The following CARD14 variants were observed in gnomAD, a reference collection of about 807,000 sequenced individuals.
The protein encoded by CARD14 is caspase recruitment domain-containing protein 14.
CARD14 carries 107 observed loss-of-function variants against 111.5 expected under a neutral mutation model. The observed-to-expected ratio is 0.96, with a 90% CI of 0.82 to 1.13. The LOEUF (loss-of-function observed/expected upper bound fraction) is 1.13. Ranked by LOEUF, CARD14 falls within the 50% of genes most tolerant of loss-of-function variation. The pLI is 0.00. For missense variants in CARD14, 1,322 were observed against 1,362.3 expected (o/e 0.97, Z 0.47); for synonymous variants, 617 against 579.6 (o/e 1.06, Z -0.93).
chr17:80,198,123 T>A lies in CARD14; in HGVS notation c.1619T>A (p.Leu540Gln). 1 of 1,613,650 alleles carries A rather than the reference T, an allele frequency of 6.2e-7. No homozygotes were observed. Among genetic ancestry groups the A allele is most frequent in the Non-Finnish European group, 8.5e-7 (1 of 1,179,996 alleles). Residue 540 changes from leucine to glutamine, a missense_variant, in exon 15 of 24, where the codon CTG (leucine) becomes CAG (glutamine). Coordinates refer to ENST00000648509, the MANE Select transcript of CARD14 (RefSeq NM_001366385.1). The surrounding 1 kb of genome is among the most constrained non-coding windows in gnomAD (Gnocchi z 7.5). ...TADLPQLESS[L>Q]QPVSPGRLDV... ...GACCTTCCGCAGCTGGAAAGCAGCC[T>A]GCAGCCAGTCTCCCCTGGAAGGCTT... is the stretch of plus-strand genomic sequence containing the variant.
rs2041481898 is a variant in CARD14, at chr17:80,208,537, C to T, written c.*192C>T. On this transcript the variant is annotated 3_prime_UTR_variant, in exon 24 of 24. Coordinates refer to ENST00000648509, the MANE Select transcript of CARD14 (RefSeq NM_001366385.1). The stretch of plus-strand genomic sequence containing the variant: ...CACACAGTGAAGCCACTTGTAACTG[C>T]ACACTTTTCTGTGGAAACATCTTCA... 1.9e-6 allele frequency: 1 copy of T among 521,938 alleles called. No homozygotes were observed. Among genetic ancestry groups the T allele is most frequent in the Non-Finnish European group, 3.4e-6 (1 of 297,722 alleles). 32.3% of individuals were successfully genotyped at this position (521,938 alleles called of 1,614,324 possible).
intron 2 of CARD14, among the ~76,000 whole-genome samples, chr17:80,175,045 A>G (rs909898424): frequency 4.6e-5 from 7 of 150,822 alleles, no homozygotes; most frequent in Non-Finnish European, 7.4e-5. Flanking sequence ...ATGCAATCTC[A>G]TTTCACTGCA....
Position 80,198,415 on chromosome 17 carries a change from C to T in CARD14, c.1675C>T (p.Arg559Trp), listed in dbSNP as rs771451722. The T allele has an allele frequency of 1.2e-5, 19 of 1,604,128 alleles. No individual in the cohort carries two copies. Among genetic ancestry groups the T allele is most frequent in the African/African-American group, 4.0e-5 (3 of 74,842 alleles). Residue 559 changes from arginine to tryptophan, a missense_variant, in exon 16 of 24, where the codon CGG becomes TGG. By Grantham distance (101) the Arg-to-Trp change is moderately radical. Coordinates refer to ENST00000648509, the MANE Select transcript of CARD14 (RefSeq NM_001366385.1). This position sits in a 1 kb window ranked among gnomAD's most constrained non-coding sequence, Gnocchi z 7.5. ...DVSESGVLMR[R>W]RPARRILSQV... The stretch of plus-strand genomic sequence containing the variant: ...GGCCTGCAGCGGCGTCCTCATGCGG[C>T]GGAGGCCAGCCCGCAGGATCCTGAG...
Position 80,203,859 on chromosome 17 carries a change from A to T in CARD14, c.2257A>T (p.Thr753Ser). The change falls in exon 19 of 24, where the codon ACT becomes TCT. Residue 753 changes from threonine to serine, a missense_variant. By Grantham distance (58) the Thr-to-Ser change is moderately conservative (BLOSUM62 1). Transcript: ENST00000648509. The surrounding 1 kb of genome is among the most constrained non-coding windows in gnomAD (Gnocchi z 4.6). ...GCTCATAGCCCTCATCCAGGACATG[A>T]CTCAGCAGTGCACCGTGACCCGCAA... ...QQLIALIQDM[T>S]QQCTVTRKPS... 6.3e-7 allele frequency: 1 copy of T among 1,595,698 alleles called. No homozygotes were observed. Among genetic ancestry groups the T allele is most frequent in the Non-Finnish European group, 8.5e-7 (1 of 1,172,198 alleles).
In CARD14 at chr17:80,201,870, G is replaced by A. The variant is rs773391357; in HGVS notation, c.1978G>A (p.Gly660Ser). Reference protein sequence around the residue: ...CCLSVKVNTDGYKRLLQDLEA... With the variant: ...CCLSVKVNTDSYKRLLQDLEA... ...CCTGTCTGTGAAGGTCAACACGGAC[G>A]GTACACATACCACTCCTCTCGTGTG... The change falls in exon 17 of 24, where the codon GGT becomes AGT. Residue 660 changes from glycine (G) to serine (S), a missense_variant and splice_region_variant. Transcript: ENST00000648509. The surrounding 1 kb of genome is among the most constrained non-coding windows in gnomAD (Gnocchi z 5.0). 5.0e-6 allele frequency: 8 copies of A among 1,611,704 alleles called. No homozygotes were observed. Among genetic ancestry groups the A allele is most frequent in the South Asian group, 2.2e-5 (2 of 90,730 alleles).
At chr17:80,181,758 A>C in intron 5 of CARD14, 109 bp downstream of exon 5, 3 of 1,030,510 alleles carry the variant, frequency 2.9e-6, no homozygotes, top group Non-Finnish European at 4.1e-6. Context: ...CTCTTATAAA[A>C]ACACTTGCTG....
chr17:80,184,254 G>T lies in CARD14; in HGVS notation c.675+16G>T. On this transcript the variant is annotated intron_variant, in intron 7 of 23. Transcript: ENST00000648509. ...GCAGGAGGAGGTAGGGGGACACCCT[G>T]CACCCCGGCGCGACCCTGCTGTCGT... 1 of 1,494,212 alleles carries T rather than the reference G, an allele frequency of 6.7e-7. No homozygotes were observed. 92.6% of individuals were successfully genotyped at this position (1,494,212 alleles called of 1,614,324 possible). A position where few individuals can be genotyped will look rare whatever the true frequency, so the allele number is the denominator to read the frequency against.
chr17:80,205,277 T>TCTTCCCCTTCCTCCCTCCTC, intron 21 of CARD14, 72 bp downstream of exon 21: 1 of 1,254,480 alleles, frequency 8.0e-7, no homozygotes, highest in Non-Finnish European at 1.1e-6. Context: ...CCTCCCTCCT[T>TCTTCCCCTTCCTCCCTCCTC]CCTCCCCTTC....
Position 80,208,125 on chromosome 17 carries a change from C to T in CARD14, c.2808-13C>T. 6.0e-6 allele frequency: 9 copies of T among 1,512,210 alleles called. No homozygotes were observed. Among genetic ancestry groups the T allele is most frequent in the Non-Finnish European group, 8.0e-6 (9 of 1,120,476 alleles). The allele number at this position is 1,512,210 out of a possible 1,614,324, so 93.7% of individuals were successfully genotyped here. On this transcript the variant is annotated splice_polypyrimidine_tract_variant and intron_variant, in intron 23 of 23. Transcript: ENST00000648509. ...TCCCCTGAGCCCGCCCCCCCCAACT[C>T]TGGCCTGTGCAGGAAGGGCCTACAG...
At position 80,204,292 on chromosome 17, in the gene CARD14, T is replaced by A. The variant is rs1669783861; in HGVS notation, c.2349T>A (p.Pro783=). 2 of 1,598,988 alleles carry A rather than the reference T, an allele frequency of 1.3e-6. No homozygotes were observed. The highest frequency in any genetic ancestry group is 2.7e-5 in the African/African-American group (2 of 74,622). Residue 783 remains proline (P), a synonymous_variant, in exon 20 of 24, where the codon CCT becomes CCA. Transcript: ENST00000648509. ...GTATGGACAAAGCCAAGGCCAGCCC[T>A]CTGCGTTTGTCCTTTGACAGGGGCC... The part of the protein sequence containing the change: ...IVSMDKAKAS[P]LRLSFDRGQL...
rs1208177319 is a variant in CARD14, at chr17:80,195,672, A to G, written c.1594+20A>G. On this transcript the variant is annotated intron_variant, in intron 14 of 23. Transcript: ENST00000648509. The surrounding 1 kb of genome is among the most constrained non-coding windows in gnomAD (Gnocchi z 4.7). ...CGGCAGGTGAGCACGCCCAACCCTGAACCTCCACAGCAGTCCACCTCCCCT... is the reference window on the plus strand; with the variant it reads ...CGGCAGGTGAGCACGCCCAACCCTGGACCTCCACAGCAGTCCACCTCCCCT... The G allele has an allele frequency of 1.2e-6, 2 of 1,600,182 alleles. No homozygotes were observed. The highest frequency in any genetic ancestry group is 2.2e-5 in the South Asian group (2 of 89,536).
chr17:80,203,486 A>C lies in CARD14; in HGVS notation c.2220-336A>C. ...TTCTAACAGCTCTCTCGGTGACTCCAGGCTGCAGGCCAGGGACCCACCATG... is the reference window on the plus strand; with the variant it reads ...TTCTAACAGCTCTCTCGGTGACTCCCGGCTGCAGGCCAGGGACCCACCATG... On this transcript the variant is annotated intron_variant, in intron 18 of 23. Coordinates refer to ENST00000648509, the MANE Select transcript of CARD14 (RefSeq NM_001366385.1). This position sits in a 1 kb window ranked among gnomAD's most constrained non-coding sequence, Gnocchi z 4.6. The C allele has an allele frequency of 3.8e-6, 1 of 266,084 alleles. No homozygotes were observed. The highest frequency in any genetic ancestry group is 7.3e-5 in the East Asian group (1 of 13,724). The allele number at this position is 266,084 out of a possible 1,614,324, so 16.5% of individuals were successfully genotyped here. A position where few individuals can be genotyped will look rare whatever the true frequency, so the allele number is the denominator to read the frequency against.
At chr17:80,200,746 T>G (rs749387665) in intron 16 of CARD14, 12 of 157,222 alleles carry the variant, frequency 7.6e-5, no homozygotes, top group Non-Finnish European at 1.4e-4. Context: ...GAACCATAAT[T>G]CAGAATCAGT....
intron 7 of CARD14, among the ~76,000 whole-genome samples, chr17:80,186,276 G>A (rs546015541): frequency 9.9e-5 from 15 of 152,130 alleles, no homozygotes; most frequent in South Asian, 2.1e-4. Context: ...CCCTTCTCCC[G>A]TGGCTGACTC....
chr17:80,194,711 G>A (rs2040647774), intron 12 of CARD14, among the ~76,000 whole-genome samples: 1 of 152,124 alleles, frequency 6.6e-6, no homozygotes, highest in South Asian at 2.1e-4. Flanking sequence ...GCTCAGCAAA[G>A]GGGGAAGCCC....
rs529691290 is a variant in CARD14, at chr17:80,205,567, A to G, written c.2606A>G (p.Gln869Arg). 6.3e-6 allele frequency: 10 copies of G among 1,581,770 alleles called. No individual in the cohort carries two copies. In the African/African-American group the frequency reaches 8.1e-5, roughly 13 times the overall value. The change falls in exon 22 of 24, where the codon CAG becomes CGG. Residue 869 changes from glutamine (Q) to arginine (R), a missense_variant. Transcript: ENST00000648509. ...LSQEEYEAWS[Q>R]RGDIIQEGEV... ...CAGGAGGAGTATGAGGCCTGGAGCC[A>G]GAGAGGGGACATCATCCAGGAGGGA...
rs144285237 is a variant in CARD14 at position 80,208,249 on chromosome 17, C to G, written c.2919C>G (p.Asp973Glu). Residue 973 changes from aspartate to glutamate, a missense_variant, in exon 24 of 24, where the codon GAC (aspartate) becomes GAG (glutamate). By Grantham distance (45) the Asp-to-Glu change is conservative (BLOSUM62 2). Coordinates refer to ENST00000648509, the MANE Select transcript of CARD14 (RefSeq NM_001366385.1). The part of the protein sequence containing the change: ...APCLYSSLAP[D>E]GWSDLDGLLS... The stretch of plus-strand genomic sequence containing the variant: ...GTCTATACAGCAGCCTGGCTCCTGA[C>G]GGCTGGAGCGACCTGGACGGCCTGC... The G allele has an allele frequency of 1.7e-3, 2,654 of 1,581,668 alleles. 6 individuals are homozygous for G. Among genetic ancestry groups the G allele is most frequent in the Admixed American group, 2.6e-3 (141 of 54,064 alleles).
At chr17:80,196,852 T>C (rs997990317) in intron 14 of CARD14, 2 of 151,982 alleles carry the variant, frequency 1.3e-5, no homozygotes, top group East Asian at 3.9e-4. Flanking sequence ...CACACAGAAA[T>C]GCAGGCCTGT....
rs74000617 is a variant in CARD14 at position 80,209,235 on chromosome 17, T to A, written c.*890T>A. On this transcript the variant is annotated 3_prime_UTR_variant, in exon 24 of 24. Coordinates refer to ENST00000648509, the MANE Select transcript of CARD14 (RefSeq NM_001366385.1). The stretch of plus-strand genomic sequence containing the variant: ...TCATTTTGACAGCAGTGTCCAAGAA[T>A]CAGGAAGCTGTTCTAGAATTCAGGT... The A allele has an allele frequency of 0.046, 39,202 of 854,332 alleles. 1,007 individuals are homozygous for A. The highest frequency in any genetic ancestry group is 0.1 in the African/African-American group (5,468 of 54,670). 52.9% of individuals were successfully genotyped at this position (854,332 alleles called of 1,614,324 possible).
Sources: allele counts gnomAD v4.1 joint callset (sites outside exome capture counted in the v4.1 genomes callset), GRCh38; gene constraint gnomAD v4.1.1; non-coding constraint Gnocchi (gnomAD v3.1); transcripts MANE v1.5; gene names NCBI Gene and HGNC (gene_info 2026-07-23, HGNC 2026-07-21).